RSL24D1: variants seen among roughly 807,000 people sequenced by gnomAD.
RSL24D1 encodes ribosomal L24 domain containing 1, also known as probable ribosome biogenesis protein RLP24.
A neutral mutation model predicts 26.2 loss-of-function variants in RSL24D1; 6 were observed. The observed-to-expected ratio is 0.23, with a 90% CI of 0.13 to 0.45. The LOEUF is 0.45. RSL24D1 is among the 20% of genes least tolerant of loss of function. The probability of loss-of-function intolerance (pLI) is 0.99; values close to 1 mark genes in which losing one functional copy is unlikely to be tolerated. For missense variants in RSL24D1, 176 were observed against 202.6 expected (o/e 0.87, Z 0.80); for synonymous variants, 61 against 59.1 (o/e 1.03, Z -0.15).
At chr15:55,186,225 G>A (rs1279932856) in intron 3 of RSL24D1, among the ~76,000 whole-genome samples, 1 of 152,096 alleles carries the variant, frequency 6.6e-6, no homozygotes, top group Non-Finnish European at 1.5e-5. Context: ...GACTGGCTCA[G>A]TAGCTCAGAC....
chr15:55,189,714 G>GC (rs1335495498), intron 3 of RSL24D1, among the ~76,000 whole-genome samples: 1 of 152,082 alleles, frequency 6.6e-6, no homozygotes, highest in African/African-American at 2.4e-5. Flanking sequence ...AAGATTGGAT[G>GC]CCCCTGGTTC....
At chr15:55,193,811 G>A (rs1438843078) in intron 1 of RSL24D1, among the ~76,000 whole-genome samples, 1 of 152,096 alleles carries the variant, frequency 6.6e-6, no homozygotes, top group Admixed American at 6.5e-5. Flanking sequence ...CTTCTCCTAA[G>A]ACACTAGAGT....
chr15:55,182,927 A>C (rs530547174), intron 5 of RSL24D1, among the ~76,000 whole-genome samples: 1 of 152,234 alleles, frequency 6.6e-6, no homozygotes, highest in South Asian at 2.1e-4. Flanking sequence ...AGTGGCCCAG[A>C]CTCAAAGAGC....
At chr15:55,190,929 CA>C in intron 3 of RSL24D1, 45 bp downstream of exon 3, 1 of 1,282,556 alleles carries the variant, frequency 7.8e-7, no homozygotes, top group Non-Finnish European at 1.1e-6. Flanking sequence ...AGTATTATCC[CA>C]AACCAGTCTC....
At chr15:55,195,155 T>G (rs531855363) in intron 1 of RSL24D1, 1 of 151,912 alleles carries the variant, frequency 6.6e-6, no homozygotes, top group Non-Finnish European at 1.5e-5. Context: ...TAGGTAAGAC[T>G]TGATAACTAG....
At chr15:55,182,562 G>A (rs1186259287) in intron 5 of RSL24D1, among the ~76,000 whole-genome samples, 1 of 152,102 alleles carries the variant, frequency 6.6e-6, no homozygotes, top group African/African-American at 2.4e-5. Context: ...CTGGATCCAA[G>A]GTGCCTGCTC....
At position 55,180,806 on chromosome 15, in the gene RSL24D1, T is replaced by TA. The variant is rs1376502080; in HGVS notation, c.*1345dup. 6.6e-6 allele frequency: 1 copy of TA among 152,190 alleles called. No individual in the cohort carries two copies. Among genetic ancestry groups the TA allele is most frequent in the Non-Finnish European group, 1.5e-5 (1 of 68,016 alleles). 9.4% of individuals were successfully genotyped at this position (152,190 alleles called of 1,614,324 possible). A position where few individuals can be genotyped will look rare whatever the true frequency, so the allele number is the denominator to read the frequency against. On this transcript the variant is annotated 3_prime_UTR_variant, in exon 6 of 6. Transcript: ENST00000260443. Reference sequence around the variant, plus strand: ...AGGACACTTGTTTCCTAATAAAACGTAACTTTCAAAATGTTTATTTCTTTA... The same window carrying TA: ...AGGACACTTGTTTCCTAATAAAACGTAAACTTTCAAAATGTTTATTTCTTTA...
chr15:55,193,221 T>C (rs761459083), intron 1 of RSL24D1, among the ~76,000 whole-genome samples: 2 of 152,230 alleles, frequency 1.3e-5, no homozygotes, highest in Non-Finnish European at 2.9e-5. Flanking sequence ...CCTTTGGGTC[T>C]TTCCATCTTC....
In RSL24D1 at chr15:55,181,915, A is replaced by G; in HGVS notation, c.*237T>C. On this transcript the variant is annotated 3_prime_UTR_variant, in exon 6 of 6. Coordinates refer to ENST00000260443, the MANE Select transcript of RSL24D1 (RefSeq NM_016304.3). ...CATTTTACGTCCACAATTCACTTCT[A>G]TAGTTACAAGTAGAATTTTCATGAT... 2.4e-6 allele frequency: 1 copy of G among 425,044 alleles called. No homozygotes were observed. The highest frequency in any genetic ancestry group is 4.2e-6 in the Non-Finnish European group (1 of 237,320). 26.3% of individuals were successfully genotyped at this position (425,044 alleles called of 1,614,324 possible). A position where few individuals can be genotyped will look rare whatever the true frequency, so the allele number is the denominator to read the frequency against.
chr15:55,181,995 C>G lies in RSL24D1; in HGVS notation c.*157G>C, dbSNP rs11540399. 0.012 allele frequency: 6,808 copies of G among 555,262 alleles called. 367 individuals carry two copies. The highest frequency in any genetic ancestry group is 0.12 in the African/African-American group (6,113 of 53,112). 34.4% of individuals were successfully genotyped at this position (555,262 alleles called of 1,614,324 possible). On this transcript the variant is annotated 3_prime_UTR_variant, in exon 6 of 6. Coordinates refer to ENST00000260443, the MANE Select transcript of RSL24D1 (RefSeq NM_016304.3). Reference sequence around the variant, plus strand: ...TAACACTGAGATGCAATCTAACATCCGTAATATCTGATATTATGTAGATGG... The same window carrying G: ...TAACACTGAGATGCAATCTAACATCGGTAATATCTGATATTATGTAGATGG...
intron 5 of RSL24D1, among the ~76,000 whole-genome samples, 165 bp downstream of exon 5, chr15:55,183,150 G>C (rs1894187943): frequency 6.6e-6 from 1 of 152,086 alleles, no homozygotes; most frequent in East Asian, 1.9e-4. Flanking sequence ...CATATAAATA[G>C]ACTGACTGCA....
At chr15:55,188,133 C>T (rs1235327759) in intron 3 of RSL24D1, among the ~76,000 whole-genome samples, 1 of 152,112 alleles carries the variant, frequency 6.6e-6, no homozygotes, top group African/African-American at 2.4e-5. Context: ...GAATATACAA[C>T]TCTTGTCAAT....
chr15:55,190,648 T>C (rs1894286653), intron 3 of RSL24D1, among the ~76,000 whole-genome samples: 1 of 152,202 alleles, frequency 6.6e-6, no homozygotes, highest in South Asian at 2.1e-4. Context: ...ATGTGTATTT[T>C]AACCATCCCA....
At chr15:55,187,316 A>G (rs1222985479) in intron 3 of RSL24D1, among the ~76,000 whole-genome samples, 1 of 152,230 alleles carries the variant, frequency 6.6e-6, no homozygotes, top group African/African-American at 2.4e-5. Flanking sequence ...AAGTTCTAGT[A>G]CTCAAAAGCA....
At chr15:55,193,283 CAGATTCGTT>C (rs1370788839) in intron 1 of RSL24D1, among the ~76,000 whole-genome samples, 1 of 152,116 alleles carries the variant, frequency 6.6e-6, no homozygotes, top group Non-Finnish European at 1.5e-5. Context: ...GGTGATATAA[CAGATTCGTT>C]TTCGACTTAC....
At chr15:55,182,549 C>A (rs540180565) in intron 5 of RSL24D1, among the ~76,000 whole-genome samples, 5 of 152,276 alleles carry the variant, frequency 3.3e-5, no homozygotes, top group African/African-American at 1.2e-4. Context: ...GAACCCCAGC[C>A]ATCTGGATCC....
chr15:55,191,265 AAGG>A (rs1006885089), intron 2 of RSL24D1, among the ~76,000 whole-genome samples: 12 of 152,192 alleles, frequency 7.9e-5, no homozygotes, highest in South Asian at 2.1e-4. Context: ...CTCAAAGAGA[AAGG>A]AGGAGACAGT....
At position 55,182,049 on chromosome 15, in the gene RSL24D1, TTTTCA is replaced by T. The variant is rs780702890; in HGVS notation, c.*98_*102del. On this transcript the variant is annotated 3_prime_UTR_variant, in exon 6 of 6. Coordinates refer to ENST00000260443, the MANE Select transcript of RSL24D1 (RefSeq NM_016304.3). ...TGCAGGAAAGATGTCTTTTAATCGC[TTTTCA>T]TTTAAGTGACCTTATGTAAAAAATA... The T allele has an allele frequency of 2.2e-4, 154 of 701,422 alleles. No homozygotes were observed. The highest frequency in any genetic ancestry group is 3.0e-4 in the Non-Finnish European group (120 of 400,114). 43.4% of individuals were successfully genotyped at this position (701,422 alleles called of 1,614,324 possible). A position where few individuals can be genotyped will look rare whatever the true frequency, so the allele number is the denominator to read the frequency against.
At chr15:55,194,561 A>G (rs1280669798) in intron 1 of RSL24D1, among the ~76,000 whole-genome samples, 1 of 152,192 alleles carries the variant, frequency 6.6e-6, no homozygotes, top group East Asian at 1.9e-4. Context: ...CCTTGGACTC[A>G]AAGTTCTTCA....
Sources: allele counts gnomAD v4.1 joint callset (sites outside exome capture counted in the v4.1 genomes callset), GRCh38; gene constraint gnomAD v4.1.1; transcripts MANE v1.5; gene names NCBI Gene and HGNC (gene_info 2026-07-23, HGNC 2026-07-21).